The following MALRD1 variants were observed in gnomAD, a reference collection of about 807,000 sequenced individuals.
MALRD1 encodes the protein MAM and LDL receptor class A domain containing 1, also known as MAM and LDL-receptor class A domain-containing protein 1.
A neutral mutation model predicts 242.1 loss-of-function variants in MALRD1; 247 were observed. The ratio of observed to expected loss-of-function variants is 1.02; its 90% CI spans 0.92 to 1.13. The LOEUF is 1.13. Among genes scored for constraint, MALRD1 ranks in the 50% most tolerant of loss-of-function variants. The probability of loss-of-function intolerance (pLI) is 0.00; values close to 1 mark genes in which losing one functional copy is unlikely to be tolerated. For synonymous variants in MALRD1, 995 were observed against 866.6 expected (o/e 1.15, Z -2.60); for missense variants, 2,989 against 2,533.1 (o/e 1.18, Z -3.86).
intron 34 of MALRD1, 83 bp from the exon 35 acceptor site, chr10:19,607,694 T>A: frequency 6.8e-7 from 1 of 1,467,690 alleles, no homozygotes; most frequent in Non-Finnish European, 9.1e-7. Flanking sequence ...ATAAACTGTT[T>A]TATGTTATTT....
At chr10:19,341,470 A>ATGTATATATATG (rs1564577035) in intron 24 of MALRD1, among the ~76,000 whole-genome samples, 7 of 83,398 alleles carry the variant, frequency 8.4e-5, no homozygotes, top group Admixed American at 2.4e-4. Context: ...ATATGTATAT[A>ATGTATATATATG]TGTATATATA....
chr10:19,272,985 T>G (rs1043007662), intron 19 of MALRD1, among the ~76,000 whole-genome samples: 10 of 152,198 alleles, frequency 6.6e-5, no homozygotes, highest in Non-Finnish European at 1.0e-4. Context: ...AGTGCTGCAA[T>G]AAACATATGT....
intron 31 of MALRD1, among the ~76,000 whole-genome samples, chr10:19,518,857 G>C (rs1476960146): frequency 1.3e-5 from 2 of 152,122 alleles, no homozygotes; most frequent in South Asian, 2.1e-4. Context: ...CAACCACAGT[G>C]AAAATTATGA....
intron 12 of MALRD1, among the ~76,000 whole-genome samples, chr10:19,162,229 G>A (rs1416185393): frequency 6.6e-6 from 1 of 152,012 alleles, no homozygotes; most frequent in Non-Finnish European, 1.5e-5. Flanking sequence ...AGGTCCCTAA[G>A]GACCTGTAAT....
intron 19 of MALRD1, 147 bp downstream of exon 19, chr10:19,257,918 T>A: frequency 1.9e-6 from 1 of 529,378 alleles, no homozygotes; most frequent in Non-Finnish European, 3.2e-6. Flanking sequence ...TGGAAAAGAT[T>A]TTTTTAGATC....
intron 33 of MALRD1, among the ~76,000 whole-genome samples, chr10:19,588,483 T>C (rs986017327): frequency 1.3e-5 from 2 of 152,196 alleles, no homozygotes; most frequent in African/African-American, 4.8e-5. Context: ...GAGGAAAACC[T>C]GAGTAAAGAC....
intron 36 of MALRD1, among the ~76,000 whole-genome samples, chr10:19,619,311 CCTT>C (rs1839303020): frequency 6.6e-6 from 1 of 151,918 alleles, no homozygotes; most frequent in Admixed American, 6.6e-5. Context: ...GCTTTTTCCT[CCTT>C]CTGGCTCCTC....
intron 39 of MALRD1, 24 bp downstream of exon 39, chr10:19,730,805 T>C: frequency 6.5e-7 from 1 of 1,527,998 alleles, no homozygotes; most frequent in Non-Finnish European, 8.8e-7. Flanking sequence ...GTGAACTATA[T>C]CTTTTCACAC....
chr10:19,293,142 C>G (rs1841529483), intron 21 of MALRD1, among the ~76,000 whole-genome samples: 1 of 152,140 alleles, frequency 6.6e-6, no homozygotes, highest in Non-Finnish European at 1.5e-5. Context: ...CCATAACATT[C>G]TCCCAGCATA....
At chr10:19,050,346 C>T (rs1347267265) in intron 1 of MALRD1, among the ~76,000 whole-genome samples, 1 of 151,518 alleles carries the variant, frequency 6.6e-6, no homozygotes, top group African/African-American at 2.4e-5. Flanking sequence ...CTCGGCCTCC[C>T]AAAGTGCTGG....
chr10:19,443,807 G>A (rs189302394), intron 28 of MALRD1, among the ~76,000 whole-genome samples: 1 of 152,308 alleles, frequency 6.6e-6, no homozygotes, highest in Non-Finnish European at 1.5e-5. Context: ...GTTGATTTGG[G>A]ATGGAGAGTT....
At chr10:19,168,052 C>G (rs972456370) in intron 13 of MALRD1, among the ~76,000 whole-genome samples, 2 of 152,176 alleles carry the variant, frequency 1.3e-5, no homozygotes, top group African/African-American at 2.4e-5. Flanking sequence ...AGTAGACACT[C>G]AATAAATGTT....
At chr10:19,387,114 G>A (rs60579024) in intron 26 of MALRD1, among the ~76,000 whole-genome samples, 7,257 of 152,106 alleles carry the variant, frequency 0.048, 323 homozygotes, top group African/African-American at 0.12. Flanking sequence ...GATGCTAATG[G>A]AATGTATTTC....
intron 33 of MALRD1, among the ~76,000 whole-genome samples, chr10:19,585,594 T>C (rs922632187): frequency 2.8e-4 from 43 of 152,190 alleles, no homozygotes; most frequent in African/African-American, 9.9e-4. Flanking sequence ...CTGAGAGATC[T>C]GCTGTTATTC....
chr10:19,052,304 G>A (rs1834532063), intron 1 of MALRD1: 1 of 172,794 alleles, frequency 5.8e-6, no homozygotes, highest in Non-Finnish European at 1.2e-5. Flanking sequence ...TCAAAGTACT[G>A]GAAAGGAAGC....
At chr10:19,150,382 C>G (rs970062311) in intron 11 of MALRD1, among the ~76,000 whole-genome samples, 1 of 151,670 alleles carries the variant, frequency 6.6e-6, no homozygotes, top group African/African-American at 2.4e-5. Flanking sequence ...TCGGTCCTTA[C>G]ATGGCAATTT....
At position 19,117,326 on chromosome 10, in the gene MALRD1, A is replaced by G. The variant is rs369061061; in HGVS notation, c.695-6166A>G. Among the ~76,000 whole-genome samples, 26 of 152,282 alleles carry G rather than the reference A, an allele frequency of 1.7e-4. No homozygotes were observed. The South Asian group carries it at 5.4e-3, about 32-fold the overall frequency. ...TTGTAAATTCCAGTTTTCAGGCCAA[A>G]GGTAGTTAAAGTGGTAGACACTGGT... On this transcript the variant is annotated intron_variant, in intron 5 of 39. Transcript: ENST00000454679.
At chr10:19,585,219 A>G (rs1837327795) in intron 33 of MALRD1, among the ~76,000 whole-genome samples, 2 of 151,524 alleles carry the variant, frequency 1.3e-5, no homozygotes, top group East Asian at 3.9e-4. Flanking sequence ...CATTTAGTCC[A>G]TTTACATTTA....
At position 19,256,320 on chromosome 10, in the gene MALRD1, A is replaced by G. The variant is rs116642558; in HGVS notation, c.2992-1364A>G. Among the ~76,000 whole-genome samples the G allele has an allele frequency of 3.1e-3, 473 of 152,200 alleles. 4 individuals are homozygous for G. The highest frequency in any genetic ancestry group is 0.011 in the African/African-American group (456 of 41,556). ...ACCCAACTCTATTTTTAAAAATAAA[A>G]CAGAATACGTTTTTCTGTAGTATGT... On this transcript the variant is annotated intron_variant, in intron 18 of 39. Transcript: ENST00000454679.
Sources: allele counts gnomAD v4.1 joint callset (sites outside exome capture counted in the v4.1 genomes callset), GRCh38; gene constraint gnomAD v4.1.1; transcripts MANE v1.5; gene names NCBI Gene and HGNC (gene_info 2026-07-23, HGNC 2026-07-21).